The following THSD4 variants were observed in gnomAD, a reference collection of about 807,000 sequenced individuals.
THSD4 encodes the protein thrombospondin type-1 domain-containing protein 4.
In THSD4, 69 loss-of-function variants were observed where a neutral mutation model predicts 119.0. The ratio of observed to expected loss-of-function variants is 0.58; its 90% CI spans 0.48 to 0.71. The LOEUF is 0.71. Ranked by LOEUF, THSD4 falls within the 30% of genes least tolerant of loss-of-function variation. The probability of loss-of-function intolerance (pLI) is 0.00; values close to 1 mark genes in which losing one functional copy is unlikely to be tolerated. For missense variants in THSD4, 1,393 were observed against 1,391.1 expected, an observed-to-expected ratio of 1.00 and a Z score of -0.02; for synonymous variants, 524 against 540.4, an observed-to-expected ratio of 0.97 and a Z score of 0.42.
At chr15:71,238,261 C>G (rs1311253295) in intron 4 of THSD4, among the ~76,000 whole-genome samples, 2 of 151,704 alleles carry the variant, frequency 1.3e-5, no homozygotes, top group African/African-American at 4.9e-5. Context: ...TTCAATTTGA[C>G]TTTACAACAT....
At chr15:71,232,272 A>G (rs2044067359) in intron 4 of THSD4, among the ~76,000 whole-genome samples, 1 of 152,074 alleles carries the variant, frequency 6.6e-6, no homozygotes, top group Non-Finnish European at 1.5e-5. Flanking sequence ...TCTGTCTCTT[A>G]TGAATTAATC....
chr15:71,415,325 T>G (rs1289246382), intron 7 of THSD4, among the ~76,000 whole-genome samples: 1 of 152,270 alleles, frequency 6.6e-6, no homozygotes, highest in Non-Finnish European at 1.5e-5. Flanking sequence ...ATGCTCTGTT[T>G]CAGCTCAAGT....
intron 6 of THSD4, among the ~76,000 whole-genome samples, chr15:71,380,412 C>T (rs2046213121): frequency 6.6e-6 from 1 of 152,062 alleles, no homozygotes; most frequent in Non-Finnish European, 1.5e-5. Flanking sequence ...TTTTTATATT[C>T]TTGCTAATCT....
chr15:71,491,729 C>T lies in THSD4; in HGVS notation c.1152+79906C>T, dbSNP rs373942363. Among the ~76,000 whole-genome samples the T allele has an allele frequency of 3.3e-3, 501 of 152,118 alleles. 9 individuals carry two copies. The South Asian group carries it at 0.043, about 13-fold the overall frequency. On this transcript the variant is annotated intron_variant, in intron 7 of 17. Coordinates refer to ENST00000261862, the MANE Select transcript of THSD4 (RefSeq NM_024817.3). Reference sequence around the variant, plus strand: ...AAAAAAAAAATTGTTTTTTAATTAGCCAGGTATTGTACACCTGTGGTTCCA... The same window carrying T: ...AAAAAAAAAATTGTTTTTTAATTAGTCAGGTATTGTACACCTGTGGTTCCA...
rs2053946546 is a variant in THSD4, at chr15:71,778,146, T to C, written c.*772T>C. On this transcript the variant is annotated 3_prime_UTR_variant, in exon 18 of 18. Transcript: ENST00000261862. ...ATCTACCAGTATCCAGCCTGGGGCCTGTACTTAGATGTGAAAGGTGCTGCT... is the reference window on the plus strand; with the variant it reads ...ATCTACCAGTATCCAGCCTGGGGCCCGTACTTAGATGTGAAAGGTGCTGCT... 1 of 152,236 alleles carries C rather than the reference T, an allele frequency of 6.6e-6. No homozygotes were observed. The highest frequency in any genetic ancestry group is 1.5e-5 in the Non-Finnish European group (1 of 68,056). 9.4% of individuals were successfully genotyped at this position (152,236 alleles called of 1,614,324 possible).
chr15:71,249,411 CATAT>C (rs371956679), intron 5 of THSD4, among the ~76,000 whole-genome samples: 2 of 118,088 alleles, frequency 1.7e-5, no homozygotes, highest in Non-Finnish European at 3.6e-5. Flanking sequence ...TTATTGACTT[CATAT>C]ATATATATAT....
chr15:71,199,497 G>GGTGT (rs1265958793), intron 3 of THSD4, among the ~76,000 whole-genome samples: 2 of 141,364 alleles, frequency 1.4e-5, no homozygotes, highest in Non-Finnish European at 3.1e-5. Context: ...GGGTGTGTGT[G>GGTGT]GTGTGTGTGT....
chr15:71,516,709 T>G (rs1156603956), intron 7 of THSD4, among the ~76,000 whole-genome samples: 1 of 152,212 alleles, frequency 6.6e-6, no homozygotes, highest in East Asian at 1.9e-4. Flanking sequence ...CAATTTCACT[T>G]TTTTCTTGCT....
intron 8 of THSD4, among the ~76,000 whole-genome samples, chr15:71,712,631 A>G (rs2052538964): frequency 1.3e-5 from 2 of 152,206 alleles, no homozygotes; most frequent in Admixed American, 6.5e-5. Flanking sequence ...TTCTTTGAAA[A>G]TATCAATACA....
At chr15:71,305,343 C>A (rs2045009800) in intron 6 of THSD4, among the ~76,000 whole-genome samples, 1 of 152,162 alleles carries the variant, frequency 6.6e-6, no homozygotes, top group Non-Finnish European at 1.5e-5. Flanking sequence ...AAGATATATT[C>A]AATTATCATC....
intron 1 of THSD4, among the ~76,000 whole-genome samples, chr15:71,104,624 TAC>T (rs144612884): frequency 0.034 from 5,227 of 152,284 alleles, 142 homozygotes; most frequent in Middle Eastern, 0.058. Context: ...GCAGTCAGAT[TAC>T]AGTTTGGTTG....
Position 71,771,209 on chromosome 15 carries a change from G to T in THSD4, c.2914+1G>T. Reference sequence around the variant, plus strand: ...CCTCAGGACTGTGTCCCTGAAGTTGGTAAGTAGAGATTTCAATCATGGGGG... The same window carrying T: ...CCTCAGGACTGTGTCCCTGAAGTTGTTAAGTAGAGATTTCAATCATGGGGG... On this transcript the variant is annotated splice_donor_variant, in intron 17 of 17. Transcript: ENST00000261862. LOFTEE classifies it high-confidence loss of function. 1 of 1,613,160 alleles carries T rather than the reference G, an allele frequency of 6.2e-7. No homozygotes were observed. Among genetic ancestry groups the T allele is most frequent in the East Asian group, 2.2e-5 (1 of 44,870 alleles).
At chr15:71,684,310 T>C (rs897630451) in intron 8 of THSD4, among the ~76,000 whole-genome samples, 1 of 152,156 alleles carries the variant, frequency 6.6e-6, no homozygotes, top group Non-Finnish European at 1.5e-5. Context: ...AATCATACCA[T>C]ATAGAAATAA....
chr15:71,168,982 A>G (rs2043324197), intron 3 of THSD4, among the ~76,000 whole-genome samples: 1 of 152,246 alleles, frequency 6.6e-6, no homozygotes, highest in African/African-American at 2.4e-5. Context: ...GTTGTTTAAA[A>G]ATTGAAACAC....
intron 7 of THSD4, among the ~76,000 whole-genome samples, chr15:71,591,005 CAAAAAAAAAAAAAAAAAAA>C (rs67271025): frequency 3.5e-5 from 2 of 57,482 alleles, no homozygotes; most frequent in African/African-American, 6.8e-5. Context: ...GACTCCATCT[CAAAAAAAAAAAAAAAAAAA>C]AAAAAAAAAA....
At position 71,285,372 on chromosome 15, in the gene THSD4, C is replaced by T. The variant is rs2044702427; in HGVS notation, c.1015+28657C>T. ...GTTTGGTGGTATTATTGATTTTTGG[C>T]TTGGCTGTCTCTTTTTGCTCCAAAC... On this transcript the variant is annotated intron_variant, in intron 6 of 17. Transcript: ENST00000261862. 3.3e-5 allele frequency among the ~76,000 whole-genome samples: 5 copies of T among 152,232 alleles called. No individual in the cohort carries two copies. In the South Asian group the frequency reaches 6.2e-4, roughly 19 times the overall value.
At chr15:71,483,554 C>T (rs1042552509) in intron 7 of THSD4, among the ~76,000 whole-genome samples, 25 of 151,834 alleles carry the variant, frequency 1.6e-4, no homozygotes, top group African/African-American at 6.0e-4. Context: ...CCACAGCCTT[C>T]GTTCTTTTTT....
chr15:71,721,062 G>A (rs186964239), intron 8 of THSD4, among the ~76,000 whole-genome samples: 2 of 152,272 alleles, frequency 1.3e-5, no homozygotes, highest in Admixed American at 6.5e-5. Context: ...TCATCACAAT[G>A]GGCATTAAGA....
At position 71,341,309 on chromosome 15, in the gene THSD4, C is replaced by G. The variant is rs769380018; in HGVS notation, c.1016-70378C>G. On this transcript the variant is annotated intron_variant, in intron 6 of 17. Transcript: ENST00000261862. ...GGGAGAGCTCATGTATGGGTTAATC[C>G]GACCATGAGCTCTGTAGGTCCGGCG... The G allele has an allele frequency of 5.0e-6, 8 of 1,601,720 alleles. No individual in the cohort carries two copies. The South Asian group carries it at 8.8e-5, about 18-fold the overall frequency.
Sources: allele counts gnomAD v4.1 joint callset (sites outside exome capture counted in the v4.1 genomes callset), GRCh38; gene constraint gnomAD v4.1.1; transcripts MANE v1.5; gene names NCBI Gene and HGNC (gene_info 2026-07-23, HGNC 2026-07-21).